Variants in FSTL4 observed in about 807,000 individuals in gnomAD.
The protein encoded by FSTL4 is follistatin like 4.
In FSTL4, 28 loss-of-function variants were observed where a neutral mutation model predicts 78.2. The observed-to-expected ratio is 0.36, with a 90% CI of 0.27 to 0.49. The LOEUF is 0.49. Ranked by LOEUF, FSTL4 falls within the 20% of genes least tolerant of loss-of-function variation. The pLI is 0.98. For synonymous variants in FSTL4, 422 were observed against 440.5 expected, an observed-to-expected ratio of 0.96 and a Z score of 0.53; for missense variants, 922 against 1,084.9, an observed-to-expected ratio of 0.85 and a Z score of 2.11.
chr5:133,256,928 G>C (rs1379162873), intron 6 of FSTL4, among the ~76,000 whole-genome samples: 2 of 152,212 alleles, frequency 1.3e-5, no homozygotes, highest in African/African-American at 4.8e-5. Context: ...TATGTTGCTT[G>C]ATGTTGCTTC....
the FSTL4 span, among the ~76,000 whole-genome samples, chr5:133,726,539 C>T: frequency 6.6e-6 from 1 of 152,218 alleles, no homozygotes; most frequent in Non-Finnish European, 1.5e-5. Flanking sequence ...TTTCCTTTAT[C>T]CCCATGAGCG....
chr5:133,697,826 G>T, the FSTL4 span, among the ~76,000 whole-genome samples: 1 of 152,138 alleles, frequency 6.6e-6, no homozygotes, highest in East Asian at 1.9e-4. Context: ...GCCAGGACCC[G>T]TTGCAATTCT....
intron 7 of FSTL4, chr5:133,243,730 G>A (rs1310549193): frequency 1.3e-5 from 2 of 152,260 alleles, no homozygotes; most frequent in Non-Finnish European, 2.9e-5. Context: ...CCGGCACGGA[G>A]CCTGCACCGT....
the FSTL4 span, among the ~76,000 whole-genome samples, chr5:133,674,977 C>G: frequency 6.6e-6 from 1 of 152,014 alleles, no homozygotes; most frequent in Non-Finnish European, 1.5e-5. Flanking sequence ...AATAAGTGCT[C>G]GTGGAGATTG....
chr5:133,538,724 GTGTAACCATTCAAAAGCC>G (rs1759405456), intron 3 of FSTL4, among the ~76,000 whole-genome samples: 1 of 152,028 alleles, frequency 6.6e-6, no homozygotes, highest in Admixed American at 6.6e-5. Context: ...ATGTTTTGTT[GTGTAACCATTCAAAAGCC>G]TGGGAGTTTG....
the FSTL4 span, among the ~76,000 whole-genome samples, chr5:133,747,383 AC>A: frequency 6.6e-6 from 1 of 152,206 alleles, no homozygotes; most frequent in Non-Finnish European, 1.5e-5. Flanking sequence ...GAGCTGTGGC[AC>A]CCGGTAATTT....
At chr5:133,260,303 C>T (rs565320059) in intron 6 of FSTL4, among the ~76,000 whole-genome samples, 1 of 152,270 alleles carries the variant, frequency 6.6e-6, no homozygotes, top group East Asian at 1.9e-4. Flanking sequence ...GCCACTGGGT[C>T]CTGAAAGAAC....
At chr5:133,239,314 C>A (rs1479384159) in intron 7 of FSTL4, among the ~76,000 whole-genome samples, 1 of 151,542 alleles carries the variant, frequency 6.6e-6, no homozygotes, top group Non-Finnish European at 1.5e-5. Context: ...GGCGCCCAGT[C>A]CCATCAACCA....
At chr5:133,401,713 G>A (rs562590599) in intron 3 of FSTL4, among the ~76,000 whole-genome samples, 5 of 152,268 alleles carry the variant, frequency 3.3e-5, no homozygotes, top group East Asian at 1.9e-4. Flanking sequence ...ATCATGGAGC[G>A]GGTGATGTGC....
chr5:133,669,324 ACAGT>A, the FSTL4 span, among the ~76,000 whole-genome samples: 1 of 152,172 alleles, frequency 6.6e-6, no homozygotes, highest in Non-Finnish European at 1.5e-5. Context: ...CATGAGGTGG[ACAGT>A]CAGGCTCCAG....
chr5:133,470,318 A>T (rs1230425105), intron 3 of FSTL4, among the ~76,000 whole-genome samples: 1 of 152,258 alleles, frequency 6.6e-6, no homozygotes, highest in Non-Finnish European at 1.5e-5. Context: ...AATCCATGTG[A>T]CAGAAGAAAA....
chr5:133,734,338 T>C, the FSTL4 span, among the ~76,000 whole-genome samples: 34 of 152,330 alleles, frequency 2.2e-4, no homozygotes, highest in African/African-American at 7.9e-4. Flanking sequence ...TTGTTAATTT[T>C]ACTAGGTATG....
At chr5:133,745,195 C>T in the FSTL4 span, among the ~76,000 whole-genome samples, 3 of 152,260 alleles carry the variant, frequency 2.0e-5, no homozygotes, top group South Asian at 6.2e-4. Context: ...ACTTGCTCCT[C>T]AGCACAGGCA....
At chr5:133,574,212 A>G (rs1011328505) in intron 2 of FSTL4, among the ~76,000 whole-genome samples, 2 of 152,266 alleles carry the variant, frequency 1.3e-5, no homozygotes, top group Non-Finnish European at 2.9e-5. Flanking sequence ...TTGAAGAATG[A>G]GTAAAACATT....
intron 3 of FSTL4, among the ~76,000 whole-genome samples, chr5:133,523,599 G>GT (rs1034165492): frequency 1.3e-5 from 2 of 152,052 alleles, no homozygotes; most frequent in African/African-American, 4.8e-5. Context: ...GTGAATCTTG[G>GT]TTTTTTTTAA....
chr5:133,401,666 G>A (rs1756226312), intron 3 of FSTL4, among the ~76,000 whole-genome samples: 1 of 152,172 alleles, frequency 6.6e-6, no homozygotes, highest in Non-Finnish European at 1.5e-5. Context: ...GGGAGCCAGG[G>A]AGCTAAGTTT....
the FSTL4 span, among the ~76,000 whole-genome samples, chr5:133,630,486 T>A: frequency 0.2 from 30,774 of 151,766 alleles, 3,570 homozygotes; most frequent in African/African-American, 0.31. Flanking sequence ...GCTCAAGGAG[T>A]TAAGAGAGGA....
At chr5:133,474,152 T>C (rs1757881173) in intron 3 of FSTL4, among the ~76,000 whole-genome samples, 2 of 152,124 alleles carry the variant, frequency 1.3e-5, no homozygotes, top group Non-Finnish European at 2.9e-5. Context: ...AGCTGAGACA[T>C]GGGGAGTGCA....
the FSTL4 span, among the ~76,000 whole-genome samples, chr5:133,693,788 G>GTCT: frequency 1.3e-5 from 2 of 152,318 alleles, no homozygotes; most frequent in East Asian, 3.9e-4. Context: ...CTAAAGGTTG[G>GTCT]AGACCCTGGA....
Sources: allele counts gnomAD v4.1 joint callset (sites outside exome capture counted in the v4.1 genomes callset), GRCh38; gene constraint gnomAD v4.1.1; transcripts MANE v1.5; gene names NCBI Gene and HGNC (gene_info 2026-07-23, HGNC 2026-07-21).